EVC: variants seen among roughly 807,000 people sequenced by gnomAD.
EVC encodes evC complex member EVC.
Under a neutral mutation model 118.9 loss-of-function variants are expected in EVC, and 116 were observed. The ratio of observed to expected loss-of-function variants is 0.98; its 90% CI spans 0.84 to 1.14. The LOEUF (loss-of-function observed/expected upper bound fraction) is 1.14, where lower values mean the gene tolerates loss of function less well. Among genes scored for constraint, EVC ranks in the 50% most tolerant of loss-of-function variants. The pLI is 0.00. For synonymous variants in EVC, 619 were observed against 534.7 expected (o/e 1.16, Z -2.18); for missense variants, 1,401 against 1,246.4 (o/e 1.12, Z -1.87).
chr4:5,824,650 A>C, the EVC span: 74 of 953,048 alleles, frequency 7.8e-5, no homozygotes, highest in Non-Finnish European at 9.0e-5. Context: ...ATGGCTATTG[A>C]ATATAACATC....
Position 5,737,090 on chromosome 4 carries a change from C to T in EVC, c.702+3655C>T, listed in dbSNP as rs1368494089. On this transcript the variant is annotated intron_variant, in intron 5 of 20. Coordinates refer to ENST00000264956, the MANE Select transcript of EVC (RefSeq NM_153717.3). The surrounding 1 kb of genome is among the most constrained non-coding windows in gnomAD (Gnocchi z 5.0). Reference sequence around the variant, plus strand: ...AGTGAACACACGAATGATCAGAAAGCAAAACAACCTTATTGCTGATATGGA... The same window carrying T: ...AGTGAACACACGAATGATCAGAAAGTAAAACAACCTTATTGCTGATATGGA... Among the ~76,000 whole-genome samples the T allele has an allele frequency of 6.6e-6, 1 of 152,158 alleles. No individual in the cohort carries two copies. Among genetic ancestry groups the T allele is most frequent in the East Asian group, 1.9e-4 (1 of 5,182 alleles).
At chr4:5,729,934 G>A (rs1369164377) in intron 3 of EVC, among the ~76,000 whole-genome samples, 1 of 152,176 alleles carries the variant, frequency 6.6e-6, no homozygotes. Context: ...CCAACACCTG[G>A]CTATGGTTAC....
intron 11 of EVC, among the ~76,000 whole-genome samples, chr4:5,764,053 C>G (rs1732478759): frequency 6.8e-6 from 1 of 147,406 alleles, no homozygotes; most frequent in African/African-American, 2.5e-5. Context: ...ATAGATAGCT[C>G]TTATTATTTT....
chr4:5,757,688 C>G (rs1731387202), intron 11 of EVC, among the ~76,000 whole-genome samples: 1 of 152,150 alleles, frequency 6.6e-6, no homozygotes, highest in South Asian at 2.1e-4. Flanking sequence ...CTGGTCTCTC[C>G]CTTTTCTTAT....
At chr4:5,816,224 C>T (rs532243113), downstream of EVC, among the ~76,000 whole-genome samples, 8 of 152,278 alleles carry the variant, frequency 5.3e-5, no homozygotes, top group East Asian at 7.7e-4. Context: ...GCAGTCCAGC[C>T]GCTGGACTTA....
chr4:5,809,639 G>GTTC, intron 19 of EVC, 28 bp downstream of exon 19: 1 of 1,594,066 alleles, frequency 6.3e-7, no homozygotes. Flanking sequence ...GAGTTGCAGC[G>GTTC]GGAAGCACTC....
chr4:5,820,392 C>T, the EVC span, among the ~76,000 whole-genome samples: 880 of 152,148 alleles, frequency 5.8e-3, 3 homozygotes, highest in Admixed American at 0.011. Context: ...TGTTTTTATC[C>T]GTCCTTTAGT....
At chr4:5,757,581 G>A (rs1490042020) in intron 11 of EVC, among the ~76,000 whole-genome samples, 2 of 152,250 alleles carry the variant, frequency 1.3e-5, no homozygotes, top group Non-Finnish European at 2.9e-5. Flanking sequence ...CCTCTCTTCC[G>A]GGCTTGCAGA....
intron 2 of EVC, among the ~76,000 whole-genome samples, chr4:5,728,611 T>C (rs1726247716): frequency 6.6e-6 from 1 of 152,194 alleles, no homozygotes; most frequent in Non-Finnish European, 1.5e-5. Context: ...GGGTGCTTCA[T>C]GAATGTGGTC....
Position 5,810,449 on chromosome 4 carries a change from A to T in EVC, c.2893A>T (p.Ser965Cys), listed in dbSNP as rs1479676242. 3 of 1,608,908 alleles carry T rather than the reference A, an allele frequency of 1.9e-6. No homozygotes were observed. Among genetic ancestry groups the T allele is most frequent in the Admixed American group, 3.4e-5 (2 of 59,288 alleles). Residue 965 changes from serine (S) to cysteine (C), a missense_variant and splice_region_variant, in exon 20 of 21, where the codon AGC (serine) becomes TGC (cysteine). By Grantham distance (112) the Ser-to-Cys change is moderately radical. Coordinates refer to ENST00000264956, the MANE Select transcript of EVC (RefSeq NM_153717.3). The stretch of plus-strand genomic sequence containing the variant: ...CGGGGACCAGACCTCAGGCTCACTC[A>T]GGTATGACTGGGCCCCGGACCTGTT... The part of the protein sequence containing the change: ...ASGDQTSGSL[S>C]SKRLSQQESE...
intron 2 of EVC, among the ~76,000 whole-genome samples, chr4:5,723,408 C>G (rs1725300092): frequency 6.6e-6 from 1 of 152,064 alleles, no homozygotes; most frequent in Non-Finnish European, 1.5e-5. Flanking sequence ...TCAGGCTGGT[C>G]TCAAACTCCT....
chr4:5,821,816 C>T, the EVC span: 19 of 1,610,574 alleles, frequency 1.2e-5, no homozygotes, highest in East Asian at 4.5e-5. This position sits in a 1 kb window ranked among gnomAD's most constrained non-coding sequence, Gnocchi z 4.4. Flanking sequence ...ATGCGGTGGC[C>T]GGTGCGCCTG....
intron 2 of EVC, among the ~76,000 whole-genome samples, chr4:5,721,414 A>G (rs545664341): frequency 6.6e-6 from 1 of 151,782 alleles, no homozygotes; most frequent in African/African-American, 2.4e-5. Flanking sequence ...AAAAGACCAC[A>G]TGTTATAGGA....
intron 2 of EVC, among the ~76,000 whole-genome samples, chr4:5,727,024 A>G (rs1353309361): frequency 2.6e-5 from 4 of 152,130 alleles, no homozygotes; most frequent in Non-Finnish European, 4.4e-5. Flanking sequence ...TAGTGCCGCA[A>G]TAAATATACA....
chr4:5,775,148 A>C (rs1325383456), intron 11 of EVC, among the ~76,000 whole-genome samples: 1 of 152,182 alleles, frequency 6.6e-6, no homozygotes. Context: ...TCCAAGAATG[A>C]CAGTCAACTT....
chr4:5,721,216 A>G (rs924280318), intron 2 of EVC, among the ~76,000 whole-genome samples: 2 of 152,232 alleles, frequency 1.3e-5, no homozygotes, highest in Non-Finnish European at 2.9e-5. Flanking sequence ...CTTGTACACA[A>G]ATGTTCAAAG....
the EVC span, among the ~76,000 whole-genome samples, chr4:5,823,687 GC>G: frequency 6.6e-6 from 1 of 152,298 alleles, no homozygotes; most frequent in Non-Finnish European, 1.5e-5. Flanking sequence ...CTCTGCACAC[GC>G]TAGCTCTCCT....
chr4:5,719,220 C>G lies in EVC; in HGVS notation c.175-28C>G, dbSNP rs987968265. ...GACCTCAATGTTGTGTTTCTATCCA[C>G]CCCCAACTCCTGACCTTCGGGTTTT... On this transcript the variant is annotated intron_variant, in intron 1 of 20. Coordinates refer to ENST00000264956, the MANE Select transcript of EVC (RefSeq NM_153717.3). The surrounding 1 kb of genome is among the most constrained non-coding windows in gnomAD (Gnocchi z 4.7). 3.1e-6 allele frequency: 5 copies of G among 1,613,930 alleles called. No individual in the cohort carries two copies. The highest frequency in any genetic ancestry group is 4.2e-6 in the Non-Finnish European group (5 of 1,179,888).
At chr4:5,747,888 C>T (rs967339943) in intron 7 of EVC, among the ~76,000 whole-genome samples, 1 of 152,148 alleles carries the variant, frequency 6.6e-6, no homozygotes, top group African/African-American at 2.4e-5. Context: ...CAAGCTACTG[C>T]TTTCTTTCCT....
Sources: allele counts gnomAD v4.1 joint callset (sites outside exome capture counted in the v4.1 genomes callset), GRCh38; gene constraint gnomAD v4.1.1; non-coding constraint Gnocchi (gnomAD v3.1); transcripts MANE v1.5; gene names NCBI Gene and HGNC (gene_info 2026-07-23, HGNC 2026-07-21).